The following MEGF11 variants were observed in gnomAD, a reference collection of about 807,000 sequenced individuals.
MEGF11 encodes the protein multiple EGF like domains 11, also known as multiple epidermal growth factor-like domains protein 11.
Under a neutral mutation model 146.6 loss-of-function variants are expected in MEGF11, and 126 were observed. The observed-to-expected ratio is 0.86, with a 90% CI of 0.74 to 1.00. The LOEUF (loss-of-function observed/expected upper bound fraction) is 1.00. Among genes scored for constraint, MEGF11 ranks in the 50% least tolerant of loss-of-function variants. The pLI, the probability that MEGF11 is intolerant of heterozygous loss-of-function variation, is 0.00. For missense variants in MEGF11, 1,509 were observed against 1,521.2 expected, an observed-to-expected ratio of 0.99 and a Z score of 0.13; for synonymous variants, 532 against 583.4, an observed-to-expected ratio of 0.91 and a Z score of 1.27.
intron 1 of MEGF11, among the ~76,000 whole-genome samples, chr15:66,141,291 A>T (rs113058249): frequency 1.3e-3 from 170 of 127,000 alleles, no homozygotes; most frequent in African/African-American, 5.1e-3. Context: ...TGTGTGTGTG[A>T]GAGAGAGAGA....
chr15:66,190,973 T>C (rs2090853937), intron 1 of MEGF11, among the ~76,000 whole-genome samples: 1 of 101,214 alleles, frequency 9.9e-6, no homozygotes, highest in African/African-American at 4.8e-5. Context: ...CTTCACGGAG[T>C]GTTCACAGGG....
Position 65,897,782 on chromosome 15 carries a change from C to T in MEGF11, c.*152G>A. On this transcript the variant is annotated 3_prime_UTR_variant, in exon 26 of 26. Transcript: ENST00000395614. ...CAATTCCTTGAACAATTATCCCAGT[C>T]CCACCTGGACGCTCTTCTTTAGTTC... is the stretch of plus-strand genomic sequence containing the variant. 1.4e-6 allele frequency: 1 copy of T among 698,586 alleles called. No homozygotes were observed. The highest frequency in any genetic ancestry group is 2.2e-6 in the Non-Finnish European group (1 of 446,778). 43.3% of individuals were successfully genotyped at this position (698,586 alleles called of 1,614,324 possible). A position where few individuals can be genotyped will look rare whatever the true frequency, so the allele number is the denominator to read the frequency against.
chr15:66,003,315 A>C (rs1332511634), intron 5 of MEGF11, among the ~76,000 whole-genome samples: 2 of 152,200 alleles, frequency 1.3e-5, no homozygotes, highest in Non-Finnish European at 2.9e-5. Context: ...CTATCAGAGC[A>C]TCTGAGCTGA....
intron 1 of MEGF11, among the ~76,000 whole-genome samples, chr15:66,194,325 T>C (rs1251887267): frequency 1.3e-5 from 2 of 152,160 alleles, no homozygotes; most frequent in Admixed American, 6.5e-5. Flanking sequence ...AATGATAGAA[T>C]GAGCCGGGCA....
chr15:66,088,487 A>G (rs1307782022), intron 5 of MEGF11, among the ~76,000 whole-genome samples: 2 of 152,180 alleles, frequency 1.3e-5, no homozygotes, highest in African/African-American at 4.8e-5. Context: ...CCCCGTCTCT[A>G]CTAAAAATAG....
At chr15:65,903,039 C>T (rs1291811630) in intron 24 of MEGF11, among the ~76,000 whole-genome samples, 1 of 152,210 alleles carries the variant, frequency 6.6e-6, no homozygotes, top group Non-Finnish European at 1.5e-5. Context: ...TAGAAGGCCA[C>T]ACTGCCTCTT....
chr15:65,991,340 C>G (rs1485499755), intron 5 of MEGF11, among the ~76,000 whole-genome samples: 1 of 152,148 alleles, frequency 6.6e-6, no homozygotes, highest in Non-Finnish European at 1.5e-5. Context: ...CATACCCTGC[C>G]TCATTCCAAA....
intron 10 of MEGF11, among the ~76,000 whole-genome samples, chr15:65,942,112 A>G (rs762599514): frequency 7.6e-4 from 115 of 152,136 alleles, no homozygotes; most frequent in Non-Finnish European, 4.9e-4. Flanking sequence ...GATTTGCCCC[A>G]GGTCACAGCA....
At chr15:66,094,318 A>G in intron 5 of MEGF11, 84 bp downstream of exon 5, 1 of 1,211,142 alleles carries the variant, frequency 8.3e-7, no homozygotes, top group East Asian at 2.6e-5. Context: ...GCACAACACA[A>G]AAATGTAGCA....
chr15:66,127,342 G>A (rs2088404214), intron 2 of MEGF11, among the ~76,000 whole-genome samples: 1 of 152,174 alleles, frequency 6.6e-6, no homozygotes, highest in South Asian at 2.1e-4. Flanking sequence ...ACAAGTGCAG[G>A]CACTGTCCCT....
At chr15:65,985,862 C>G (rs765450290) in intron 5 of MEGF11, among the ~76,000 whole-genome samples, 11 of 151,878 alleles carry the variant, frequency 7.2e-5, no homozygotes, top group Non-Finnish European at 1.3e-4. Context: ...CATGTAAACA[C>G]AATTCTATTA....
intron 1 of MEGF11, among the ~76,000 whole-genome samples, chr15:66,238,229 C>A (rs970552702): frequency 6.6e-6 from 1 of 152,158 alleles, no homozygotes; most frequent in African/African-American, 2.4e-5. Flanking sequence ...CCCAACCCAC[C>A]CTGAGCTGAT....
At chr15:66,102,097 G>A (rs1385850062) in intron 4 of MEGF11, among the ~76,000 whole-genome samples, 2 of 151,390 alleles carry the variant, frequency 1.3e-5, no homozygotes, top group African/African-American at 4.9e-5. Context: ...CAGCCACTGG[G>A]CCTGATAAAA....
In MEGF11 at chr15:65,979,550, C is replaced by T. The variant is rs530096089; in HGVS notation, c.762+1228G>A. On this transcript the variant is annotated intron_variant, in intron 7 of 25. Transcript: ENST00000395614. ...CTGTGTCGCTGAGCTTCCCCTGAAA[C>T]GGAGCGTGTTACTGGAGAGTCAGAG... 5.3e-5 allele frequency among the ~76,000 whole-genome samples: 8 copies of T among 152,260 alleles called. No homozygotes were observed. The East Asian group carries it at 5.8e-4, about 11-fold the overall frequency.
At chr15:66,105,762 CAG>C (rs2140809853) in intron 4 of MEGF11, among the ~76,000 whole-genome samples, 2 of 149,352 alleles carry the variant, frequency 1.3e-5, no homozygotes, top group Admixed American at 1.3e-4. Context: ...GCTGAGCAAA[CAG>C]AGTCCTCTAA....
intron 1 of MEGF11, among the ~76,000 whole-genome samples, chr15:66,213,802 T>G (rs1186373577): frequency 6.6e-6 from 1 of 151,982 alleles, no homozygotes; most frequent in Non-Finnish European, 1.5e-5. Flanking sequence ...GACAGTGCCA[T>G]TTCAGAGGAT....
chr15:65,923,339 G>A (rs1231421658), intron 13 of MEGF11, among the ~76,000 whole-genome samples: 1 of 152,138 alleles, frequency 6.6e-6, no homozygotes, highest in East Asian at 1.9e-4. Flanking sequence ...AGATCACAAG[G>A]GCCTCTTCTG....
rs139402924 is a variant in MEGF11, at chr15:66,173,094, C to T, written c.-8-44683G>A. Among the ~76,000 whole-genome samples the T allele has an allele frequency of 9.9e-5, 15 of 152,270 alleles. No homozygotes were observed. The East Asian group carries it at 1.9e-3, about 20-fold the overall frequency. ...CTCCTCCACAGCACGTTCCAGATGT[C>T]GGGGACATCCGTCTTTCAGTGGCTC... On this transcript the variant is annotated intron_variant, in intron 1 of 25. Coordinates refer to ENST00000395614, the MANE Select transcript of MEGF11 (RefSeq NM_001385028.1).
intron 5 of MEGF11, among the ~76,000 whole-genome samples, chr15:66,079,879 C>T (rs2085772365): frequency 6.6e-6 from 1 of 152,212 alleles, no homozygotes; most frequent in African/African-American, 2.4e-5. Context: ...GCCTGATCCT[C>T]ATCCTGACAA....
Sources: gnomAD v4.1 joint callset for allele counts (sites outside exome capture counted in the v4.1 genomes callset) on GRCh38, gnomAD v4.1.1 for gene constraint, MANE v1.5 for transcripts, NCBI Gene and HGNC (gene_info 2026-07-23, HGNC 2026-07-21) for gene names.